The following CATSPERB variants were observed in gnomAD, a reference collection of about 807,000 sequenced individuals.
The protein encoded by CATSPERB is catsper channel auxiliary subunit beta, also known as cation channel sperm-associated auxiliary subunit beta.
CATSPERB carries 93 observed loss-of-function variants against 128.3 expected under a neutral mutation model. That is an observed-to-expected ratio of 0.72 (90% confidence interval 0.61 to 0.86). CATSPERB has a LOEUF of 0.86. Among genes scored for constraint, CATSPERB ranks in the 40% least tolerant of loss-of-function variants. The pLI is 0.00. For missense variants in CATSPERB, 1,153 were observed against 1,329.5 expected (o/e 0.87, Z 2.06); for synonymous variants, 381 against 448.8 (o/e 0.85, Z 1.91).
At chr14:91,633,832 A>C (rs530236073) in intron 17 of CATSPERB, among the ~76,000 whole-genome samples, 154 of 151,756 alleles carry the variant, frequency 1.0e-3, no homozygotes, top group African/African-American at 3.3e-3. Flanking sequence ...ATATATATAT[A>C]GAGAGAGAGA....
chr14:91,589,513 A>G, intron 24 of CATSPERB, 21 bp downstream of exon 24: 4 of 1,600,498 alleles, frequency 2.5e-6, no homozygotes, highest in Non-Finnish European at 2.6e-6. Context: ...TAAAATAATT[A>G]CAGATGAAAG....
At position 91,669,919 on chromosome 14, in the gene CATSPERB, A is replaced by G; in HGVS notation, c.1182T>C (p.Asn394=). The change falls in exon 14 of 27, where the codon AAT becomes AAC. Residue 394 remains asparagine (N), a synonymous_variant. Transcript: ENST00000256343. ...GAAAAATTGGAAATTTTGATTGTGA[A>G]TTTGGTTCATTATTTCTCAGGGTGC... The part of the protein sequence containing the change: ...SVSTLRNNEP[N]SQSKFPIFRF... 6.2e-7 allele frequency: 1 copy of G among 1,613,506 alleles called. No individual in the cohort carries two copies. The highest frequency in any genetic ancestry group is 8.5e-7 in the Non-Finnish European group (1 of 1,179,834).
intron 14 of CATSPERB, among the ~76,000 whole-genome samples, chr14:91,662,191 C>A (rs1743096): frequency 0.19 from 28,238 of 151,868 alleles, 2,793 homozygotes; most frequent in South Asian, 0.24. Context: ...TATCCAATAT[C>A]CTGAATTTTG....
rs374427455 is a variant in CATSPERB at position 91,608,380 on chromosome 14, T to C, written c.2623A>G (p.Met875Val). Residue 875 changes from methionine to valine, a missense_variant, in exon 22 of 27, where the codon ATG (methionine) becomes GTG (valine). Met to Val is a conservative substitution (Grantham distance 21). Transcript: ENST00000256343. ...TCTGTGAGTGGAATAGCAATTCCCATATTAGATGGAGGCCTGTAGTTTATC... is the reference window on the plus strand; with the variant it reads ...TCTGTGAGTGGAATAGCAATTCCCACATTAGATGGAGGCCTGTAGTTTATC... ...LPINYRPPSN[M>V]GIAIPLTDNF... 8.0e-5 allele frequency: 128 copies of C among 1,605,414 alleles called. No individual in the cohort carries two copies. Among genetic ancestry groups the C allele is most frequent in the Admixed American group, 6.5e-4 (39 of 59,962 alleles).
intron 15 of CATSPERB, among the ~76,000 whole-genome samples, chr14:91,650,976 T>C (rs1378070057): frequency 6.6e-6 from 1 of 152,224 alleles, no homozygotes; most frequent in East Asian, 1.9e-4. Flanking sequence ...ATTTTTACTG[T>C]TTCCAACATT....
chr14:91,619,024 A>G (rs1704640), intron 19 of CATSPERB, among the ~76,000 whole-genome samples: 139,173 of 152,266 alleles, frequency 0.91, 63,632 homozygotes, highest in East Asian at 0.97. Context: ...ATTATTATTT[A>G]CTTCCATCAA....
At chr14:91,622,043 T>C (rs1227296318) in intron 18 of CATSPERB, 106 bp from the exon 19 acceptor site, 1 of 702,118 alleles carries the variant, frequency 1.4e-6, no homozygotes, top group Admixed American at 3.1e-5. Context: ...TTTTAAACTA[T>C]CTCTTAACCA....
At position 91,601,043 on chromosome 14, in the gene CATSPERB, A is replaced by G. The variant is rs76959154; in HGVS notation, c.2709+7251T>C. Among the ~76,000 whole-genome samples the G allele has an allele frequency of 5.1e-4, 78 of 152,376 alleles. 1 individual carries two copies. In the East Asian group the frequency reaches 0.015, roughly 29 times the overall value. On this transcript the variant is annotated intron_variant, in intron 22 of 26. Coordinates refer to ENST00000256343, the MANE Select transcript of CATSPERB (RefSeq NM_024764.4). ...AAGGAGTTGAGAGAATACAACACCT[A>G]TGTTAATTATCAGCTGCAAATGACA...
At chr14:91,618,806 T>A (rs2139784945) in intron 19 of CATSPERB, among the ~76,000 whole-genome samples, 1 of 152,332 alleles carries the variant, frequency 6.6e-6, no homozygotes, top group East Asian at 1.9e-4. Context: ...TGCAGCTGTT[T>A]CCCTTAAACC....
At chr14:91,595,204 AC>A in intron 22 of CATSPERB, among the ~76,000 whole-genome samples, 1 of 152,206 alleles carries the variant, frequency 6.6e-6, no homozygotes, top group East Asian at 1.9e-4. Context: ...ATATTCGTAT[AC>A]AGTGTAGAAG....
chr14:91,672,021 A>AC (rs1213112517), intron 13 of CATSPERB, among the ~76,000 whole-genome samples: 21 of 129,442 alleles, frequency 1.6e-4, no homozygotes, highest in Non-Finnish European at 3.0e-4. Context: ...CTCTGTCTCA[A>AC]AAACAACAAC....
intron 3 of CATSPERB, among the ~76,000 whole-genome samples, chr14:91,724,637 A>T (rs1300052414): frequency 6.6e-6 from 1 of 152,096 alleles, no homozygotes; most frequent in East Asian, 1.9e-4. Context: ...GTGTGTTTTT[A>T]AAAAGTCTCC....
At chr14:91,594,598 C>A (rs2058443542) in intron 22 of CATSPERB, among the ~76,000 whole-genome samples, 2 of 151,844 alleles carry the variant, frequency 1.3e-5, no homozygotes, top group Admixed American at 6.6e-5. Context: ...ATTGTAAATT[C>A]TTTTGTAAAT....
chr14:91,620,335 A>C (rs1894019155), intron 19 of CATSPERB, among the ~76,000 whole-genome samples: 1 of 152,026 alleles, frequency 6.6e-6, no homozygotes, highest in Non-Finnish European at 1.5e-5. Context: ...TTCTGTCAAC[A>C]ATTGGTCATT....
Position 91,639,172 on chromosome 14 carries a change from T to A in CATSPERB, c.1511A>T (p.His504Leu), listed in dbSNP as rs200761379. The A allele has an allele frequency of 1.9e-6, 3 of 1,613,916 alleles. No homozygotes were observed. Among genetic ancestry groups the A allele is most frequent in the Non-Finnish European group, 2.5e-6 (3 of 1,179,956 alleles). The change falls in exon 16 of 27, where the codon CAT (histidine) becomes CTT (leucine). Residue 504 changes from histidine to leucine, a missense_variant. By Grantham distance (99) the His-to-Leu change is moderately conservative. Coordinates refer to ENST00000256343, the MANE Select transcript of CATSPERB (RefSeq NM_024764.4). ...TTCAAAGCGACCCAGAGTCAGCTTA[T>A]GTAGGAATCCCAAGTGATCATAGTA... Reference protein sequence around the residue: ...TLYYDHLGFLHKLTLGRFEAS... With the variant: ...TLYYDHLGFLLKLTLGRFEAS...
rs776392881 is a variant in CATSPERB at position 91,608,415 on chromosome 14, T to A, written c.2599-11A>T. ...AGGCCTGTAGTTTATCTGCAAGTGA[T>A]TAAACAAAGAAAATGTACAATTCAT... On this transcript the variant is annotated splice_polypyrimidine_tract_variant and intron_variant, in intron 21 of 26. Transcript: ENST00000256343. The A allele has an allele frequency of 2.9e-6, 4 of 1,360,664 alleles. No individual in the cohort carries two copies. The Admixed American group carries it at 6.8e-5, about 23-fold the overall frequency. The allele number at this position is 1,360,664 out of a possible 1,614,324, so 84.3% of individuals were successfully genotyped here.
At chr14:91,594,488 G>T (rs1042553833) in intron 22 of CATSPERB, among the ~76,000 whole-genome samples, 7 of 145,422 alleles carry the variant, frequency 4.8e-5, no homozygotes, top group Non-Finnish European at 1.1e-4. Flanking sequence ...AATAATAAAA[G>T]AAAAAAAAAA....
intron 22 of CATSPERB, among the ~76,000 whole-genome samples, chr14:91,595,290 GTTTATTTA>G (rs138277074): frequency 4.0e-5 from 6 of 150,190 alleles, no homozygotes; most frequent in African/African-American, 7.3e-5. Flanking sequence ...CTCAGATAAG[GTTTATTTA>G]TTTATTTATT....
chr14:91,589,444 G>A, intron 24 of CATSPERB, 90 bp downstream of exon 24: 1 of 1,303,512 alleles, frequency 7.7e-7, no homozygotes, highest in African/African-American at 1.5e-5. Flanking sequence ...TCTCTTTTGT[G>A]TGAACAGGCT....
Sources: allele counts gnomAD v4.1 joint callset (sites outside exome capture counted in the v4.1 genomes callset), GRCh38; gene constraint gnomAD v4.1.1; transcripts MANE v1.5; gene names NCBI Gene and HGNC (gene_info 2026-07-23, HGNC 2026-07-21).